Variants in PDE1C observed in about 807,000 individuals in gnomAD.
PDE1C encodes dual specificity calcium/calmodulin-dependent 3',5'-cyclic nucleotide phosphodiesterase 1C.
PDE1C carries 62 observed loss-of-function variants against 93.1 expected under a neutral mutation model. The observed-to-expected ratio is 0.67, with a 90% confidence interval of 0.54 to 0.82. The LOEUF (loss-of-function observed/expected upper bound fraction) is 0.82, where lower values mean the gene tolerates loss of function less well. Among genes scored for constraint, PDE1C ranks in the 40% least tolerant of loss-of-function variants. PDE1C has a pLI of 0.00. For missense variants in PDE1C, 742 were observed against 884.6 expected, an observed-to-expected ratio of 0.84 and a Z score of 2.04; for synonymous variants, 325 against 310.1, an observed-to-expected ratio of 1.05 and a Z score of -0.50.
chr7:31,789,517 A>T (rs1025623904), intron 16 of PDE1C: 4 of 416,192 alleles, frequency 9.6e-6, no homozygotes, highest in Admixed American at 6.4e-5. Context: ...CCCACTCAAC[A>T]GTACAGTCAC....
intron 3 of PDE1C, among the ~76,000 whole-genome samples, chr7:32,078,927 CAA>C (rs112614033): frequency 7.7e-5 from 10 of 129,314 alleles, no homozygotes; most frequent in African/African-American, 8.6e-5. Flanking sequence ...CTCACTCTCT[CAA>C]AAAAAAAAAA....
At chr7:31,647,616 G>C in the PDE1C span, among the ~76,000 whole-genome samples, 1 of 142,374 alleles carries the variant, frequency 7.0e-6, no homozygotes, top group Non-Finnish European at 1.5e-5. Flanking sequence ...GGAGACTGCA[G>C]TGAGGTGAGA....
chr7:31,871,274 C>A (rs923601597), intron 6 of PDE1C, among the ~76,000 whole-genome samples: 6 of 151,812 alleles, frequency 4.0e-5, no homozygotes, highest in Non-Finnish European at 7.4e-5. Context: ...TATAAAACTA[C>A]AAGAGAATAA....
At chr7:32,058,563 T>A (rs764056453) in intron 1 of PDE1C, among the ~76,000 whole-genome samples, 40 of 152,358 alleles carry the variant, frequency 2.6e-4, no homozygotes, top group Middle Eastern at 6.8e-3. Context: ...AAACTTCTAA[T>A]GGATCTCTTA....
intron 2 of PDE1C, among the ~76,000 whole-genome samples, chr7:31,884,354 T>C (rs998118335): frequency 1.3e-5 from 2 of 151,300 alleles, no homozygotes; most frequent in Admixed American, 6.6e-5. Context: ...TTCAATACAA[T>C]TCAAAAAAAA....
chr7:32,242,945 G>A (rs1481593055), intron 1 of PDE1C, among the ~76,000 whole-genome samples: 3 of 152,192 alleles, frequency 2.0e-5, no homozygotes, highest in Admixed American at 2.0e-4. Context: ...AAGGAAAAGA[G>A]AGAGATTGAA....
chr7:32,068,327 G>A (rs1168970316), intron 1 of PDE1C, among the ~76,000 whole-genome samples: 1 of 152,124 alleles, frequency 6.6e-6, no homozygotes, highest in Non-Finnish European at 1.5e-5. Context: ...GTTATTCCAA[G>A]TTGTATAAAA....
At chr7:31,803,387 G>A (rs1281560717) in intron 16 of PDE1C, among the ~76,000 whole-genome samples, 1 of 148,374 alleles carries the variant, frequency 6.7e-6, no homozygotes, top group African/African-American at 2.5e-5. Context: ...TCAATTGGTT[G>A]GGCTTTTTCT....
chr7:31,879,633 A>C (rs891650600), intron 3 of PDE1C, among the ~76,000 whole-genome samples: 2 of 152,242 alleles, frequency 1.3e-5, no homozygotes, highest in African/African-American at 4.8e-5. Context: ...ATCCTAAGTG[A>C]TGACAATTAA....
intron 2 of PDE1C, among the ~76,000 whole-genome samples, chr7:31,885,612 CA>C (rs1358975395): frequency 6.6e-6 from 1 of 152,160 alleles, no homozygotes; most frequent in Non-Finnish European, 1.5e-5. Flanking sequence ...GTGGGATGCA[CA>C]AAGGTGTTGG....
intron 17 of PDE1C, among the ~76,000 whole-genome samples, chr7:31,755,572 C>CA (rs35159565): frequency 0.66 from 99,703 of 150,816 alleles, 33,536 homozygotes; most frequent in Middle Eastern, 0.8. Flanking sequence ...TTGAAGTGTT[C>CA]AAAAAAAACA....
intron 3 of PDE1C, among the ~76,000 whole-genome samples, chr7:32,095,278 C>T (rs148269826): frequency 3.3e-5 from 5 of 152,272 alleles, no homozygotes; most frequent in African/African-American, 7.2e-5. Flanking sequence ...GTGGCATTTC[C>T]GATGAGGGGC....
chr7:32,198,051 A>C (rs1804741583), intron 2 of PDE1C, among the ~76,000 whole-genome samples: 1 of 152,208 alleles, frequency 6.6e-6, no homozygotes, highest in African/African-American at 2.4e-5. Context: ...TGAATTACAT[A>C]AATAATGGTT....
upstream of PDE1C, among the ~76,000 whole-genome samples, chr7:32,072,340 G>A (rs894445589): frequency 2.0e-5 from 3 of 152,140 alleles, no homozygotes; most frequent in Non-Finnish European, 4.4e-5. Flanking sequence ...TTATGGAGGC[G>A]CATATATTTT....
At chr7:32,402,033 C>T (rs1032571652) in intron 1 of PDE1C, among the ~76,000 whole-genome samples, 4 of 152,080 alleles carry the variant, frequency 2.6e-5, no homozygotes, top group African/African-American at 9.7e-5. Flanking sequence ...ATCTATTTAT[C>T]CTCATATCTG....
intron 3 of PDE1C, among the ~76,000 whole-genome samples, chr7:32,136,312 T>A (rs1800205358): frequency 6.6e-6 from 1 of 152,124 alleles, no homozygotes; most frequent in East Asian, 1.9e-4. Context: ...ATCTGACAGA[T>A]ATTTAAAAAA....
upstream of PDE1C, among the ~76,000 whole-genome samples, chr7:32,074,197 G>A (rs149061030): frequency 6.6e-6 from 1 of 152,080 alleles, no homozygotes; most frequent in African/African-American, 2.4e-5. Flanking sequence ...CAGAGTTCAA[G>A]GGGAAGCTAG....
intron 1 of PDE1C, among the ~76,000 whole-genome samples, chr7:32,056,746 T>G (rs1794169973): frequency 6.6e-6 from 1 of 152,198 alleles, no homozygotes; most frequent in African/African-American, 2.4e-5. Flanking sequence ...TCAGTAGGTT[T>G]TCAAAACTTA....
the PDE1C span, among the ~76,000 whole-genome samples, chr7:31,649,962 A>T: frequency 6.6e-6 from 1 of 152,186 alleles, no homozygotes; most frequent in South Asian, 2.1e-4. Flanking sequence ...GGGAGGGTGA[A>T]GAGTAGGGGC....
Sources: gnomAD v4.1 joint callset for allele counts (sites outside exome capture counted in the v4.1 genomes callset) on GRCh38, gnomAD v4.1.1 for gene constraint, MANE v1.5 for transcripts, NCBI Gene and HGNC (gene_info 2026-07-23, HGNC 2026-07-21) for gene names.